The following NEK7 variants were observed in gnomAD, a reference collection of about 807,000 sequenced individuals.
NEK7 encodes serine/threonine-protein kinase Nek7.
Under a neutral mutation model 44.6 loss-of-function variants are expected in NEK7, and 18 were observed. The observed-to-expected ratio is 0.40, with a 90% CI of 0.28 to 0.60. The LOEUF is 0.60. Ranked by LOEUF, NEK7 falls within the 20% of genes least tolerant of loss-of-function variation. The probability of loss-of-function intolerance (pLI) is 0.38; values close to 1 mark genes in which losing one functional copy is unlikely to be tolerated. For synonymous variants in NEK7, 130 were observed against 121.1 expected, an observed-to-expected ratio of 1.07 and a Z score of -0.48; for missense variants, 256 against 366.5, an observed-to-expected ratio of 0.70 and a Z score of 2.46.
At chr1:198,315,778 T>C (rs10801664) in intron 9 of NEK7, among the ~76,000 whole-genome samples, 79,632 of 151,988 alleles carry the variant, frequency 0.52, 23,981 homozygotes, top group East Asian at 0.89. Flanking sequence ...TAGGAAGAGC[T>C]GGTTGGGGAG....
At chr1:198,228,483 A>G (rs1666292819) in intron 1 of NEK7, among the ~76,000 whole-genome samples, 1 of 152,068 alleles carries the variant, frequency 6.6e-6, no homozygotes, top group Admixed American at 6.5e-5. Context: ...CACGATATTG[A>G]TTCTTCCTAC....
At position 198,316,751 on chromosome 1, in the gene NEK7, A is replaced by G. The variant is rs560134087; in HGVS notation, c.799-2661A>G. On this transcript the variant is annotated intron_variant, in intron 9 of 9. Coordinates refer to ENST00000367385, the MANE Select transcript of NEK7 (RefSeq NM_133494.3). ...TACCTAACAAAGTGTCTGGTACATA[A>G]TAAATACTCCATTGGAAACTATTGA... is the stretch of plus-strand genomic sequence containing the variant. Among the ~76,000 whole-genome samples, 7 of 152,362 alleles carry G rather than the reference A, an allele frequency of 4.6e-5. No individual in the cohort carries two copies. The South Asian group carries it at 1.2e-3, about 27-fold the overall frequency.
intron 3 of NEK7, among the ~76,000 whole-genome samples, chr1:198,260,424 T>C (rs1653420307): frequency 6.6e-6 from 1 of 152,062 alleles, no homozygotes; most frequent in Non-Finnish European, 1.5e-5. Flanking sequence ...CCTTTTTTTT[T>C]TTTAACCCCT....
At chr1:198,317,074 A>T (rs1423831184) in intron 9 of NEK7, among the ~76,000 whole-genome samples, 1 of 151,658 alleles carries the variant, frequency 6.6e-6, no homozygotes, top group Non-Finnish European at 1.5e-5. Context: ...TTTTTAATGT[A>T]ACAAATAATT....
chr1:198,317,519 G>T (rs1265815610), intron 9 of NEK7, among the ~76,000 whole-genome samples: 2 of 152,072 alleles, frequency 1.3e-5, no homozygotes, highest in Admixed American at 6.5e-5. Context: ...TTTTCCTCAT[G>T]CCAGGAGAAC....
At chr1:198,279,209 A>G (rs1248364369) in intron 7 of NEK7, 148 bp downstream of exon 7, 5 of 506,580 alleles carry the variant, frequency 9.9e-6, no homozygotes, top group Non-Finnish European at 1.7e-5. Context: ...GCAACTCTCT[A>G]TTAGGTATAA....
chr1:198,274,298 TA>T (rs1653948684), intron 5 of NEK7, among the ~76,000 whole-genome samples: 1 of 151,534 alleles, frequency 6.6e-6, no homozygotes, highest in Admixed American at 6.6e-5. Context: ...AGTACATTTC[TA>T]AAGGATGCTT....
chr1:198,303,830 AAG>A (rs1654955169), intron 9 of NEK7, among the ~76,000 whole-genome samples: 1 of 152,160 alleles, frequency 6.6e-6, no homozygotes, highest in African/African-American at 2.4e-5. Flanking sequence ...ATGCTGAAGT[AAG>A]AGTATTTTAC....
chr1:198,254,057 G>T (rs1177647373), intron 3 of NEK7, among the ~76,000 whole-genome samples: 1 of 151,772 alleles, frequency 6.6e-6, no homozygotes, highest in African/African-American at 2.4e-5. Flanking sequence ...AGATACCTGT[G>T]AAATCTAAAT....
chr1:198,225,940 G>C (rs1326247261), intron 1 of NEK7, among the ~76,000 whole-genome samples: 2 of 151,866 alleles, frequency 1.3e-5, no homozygotes, highest in East Asian at 3.9e-4. Flanking sequence ...ATAATTACTT[G>C]ATTTTTCTTG....
At chr1:198,213,986 G>A (rs559870432) in intron 1 of NEK7, among the ~76,000 whole-genome samples, 1 of 152,170 alleles carries the variant, frequency 6.6e-6, no homozygotes, top group Non-Finnish European at 1.5e-5. Context: ...TGCTATTCTG[G>A]CCCCACAGGA....
intron 3 of NEK7, chr1:198,256,600 A>T (rs1653274451): frequency 7.8e-7 from 1 of 1,283,840 alleles, no homozygotes; most frequent in Non-Finnish European, 1.0e-6. Context: ...CATTGAATTC[A>T]TTCCTCCAGT....
intron 1 of NEK7, among the ~76,000 whole-genome samples, chr1:198,218,365 A>T (rs1053467111): frequency 1.3e-5 from 2 of 152,084 alleles, no homozygotes. Context: ...TTGGATAGCC[A>T]CATGTAGAAG....
At chr1:198,290,792 G>GC (rs1457367676) in intron 7 of NEK7, among the ~76,000 whole-genome samples, 1 of 152,004 alleles carries the variant, frequency 6.6e-6, no homozygotes, top group Non-Finnish European at 1.5e-5. Flanking sequence ...AATAAAACAT[G>GC]CTTATTTAAT....
intron 1 of NEK7, among the ~76,000 whole-genome samples, chr1:198,212,775 C>A (rs1245120222): frequency 1.3e-5 from 2 of 152,266 alleles, no homozygotes; most frequent in African/African-American, 2.4e-5. Flanking sequence ...ACGGCTGATC[C>A]TCTTTTGCAA....
At chr1:198,252,647 CATATAT>C in intron 2 of NEK7, among the ~76,000 whole-genome samples, 1 of 132,764 alleles carries the variant, frequency 7.5e-6, no homozygotes, top group African/African-American at 2.9e-5. Context: ...TATATTAAAA[CATATAT>C]GTATGTTTAT....
intron 2 of NEK7, chr1:198,245,321 A>G (rs938349291): frequency 1.2e-5 from 2 of 169,294 alleles, no homozygotes; most frequent in Admixed American, 6.5e-5. Flanking sequence ...TAAACGAGTA[A>G]TTAAAAGCCT....
chr1:198,307,785 G>T (rs1434396893), intron 9 of NEK7, among the ~76,000 whole-genome samples: 1 of 152,098 alleles, frequency 6.6e-6, no homozygotes, highest in Non-Finnish European at 1.5e-5. Context: ...GAACTCAGAT[G>T]ATACCTTAAA....
chr1:198,204,692 C>G (rs996098508), intron 1 of NEK7, among the ~76,000 whole-genome samples: 1 of 146,520 alleles, frequency 6.8e-6, no homozygotes, highest in Non-Finnish European at 1.5e-5. Context: ...TGCACTCCAG[C>G]CTGGGCGACA....
Sources: allele counts gnomAD v4.1 joint callset (sites outside exome capture counted in the v4.1 genomes callset), GRCh38; gene constraint gnomAD v4.1.1; transcripts MANE v1.5; gene names NCBI Gene and HGNC (gene_info 2026-07-23, HGNC 2026-07-21).